Variants in MGAT4C observed in about 807,000 individuals in gnomAD.
The protein encoded by MGAT4C is MGAT4 family member C.
In MGAT4C, 19 loss-of-function variants were observed where a neutral mutation model predicts 40.1. That is an observed-to-expected ratio of 0.47 (90% confidence interval 0.33 to 0.70). The LOEUF (loss-of-function observed/expected upper bound fraction) is 0.70. Among genes scored for constraint, MGAT4C ranks in the 30% least tolerant of loss-of-function variants. The pLI, the probability that MGAT4C is intolerant of heterozygous loss-of-function variation, is 0.02. For synonymous variants in MGAT4C, 181 were observed against 187.1 expected (o/e 0.97, Z 0.27); for missense variants, 491 against 563.2 (o/e 0.87, Z 1.30).
intron 1 of MGAT4C, among the ~76,000 whole-genome samples, chr12:86,821,969 A>T (rs929292716): frequency 2.7e-5 from 4 of 148,896 alleles, no homozygotes; most frequent in African/African-American, 9.7e-5. Flanking sequence ...AAAGTTAAAG[A>T]CAAAAGTATT....
At chr12:86,697,168 C>G (rs553200476) in intron 2 of MGAT4C, among the ~76,000 whole-genome samples, 1 of 152,160 alleles carries the variant, frequency 6.6e-6, no homozygotes, top group South Asian at 2.1e-4. Context: ...AAGATCATGA[C>G]CTTATGTATA....
intron 1 of MGAT4C, among the ~76,000 whole-genome samples, chr12:86,762,104 T>C (rs113301362): frequency 6.6e-6 from 1 of 151,290 alleles, no homozygotes; most frequent in South Asian, 2.1e-4. Flanking sequence ...CAGGCTGGAG[T>C]GCAGTGGCAT....
At chr12:86,450,901 A>G (rs1239727305) in intron 2 of MGAT4C, among the ~76,000 whole-genome samples, 1 of 152,146 alleles carries the variant, frequency 6.6e-6, no homozygotes, top group Non-Finnish European at 1.5e-5. Flanking sequence ...TTTATATATG[A>G]GTAGATATAT....
In MGAT4C at chr12:86,214,211, G is replaced by A. The variant is rs186286810; in HGVS notation, c.-57+42028C>T. Among the ~76,000 whole-genome samples the A allele has an allele frequency of 1.2e-4, 19 of 152,128 alleles. No individual in the cohort carries two copies. In the East Asian group the frequency reaches 1.4e-3, roughly 11 times the overall value. On this transcript the variant is annotated intron_variant, in intron 1 of 4. Coordinates refer to ENST00000611864, the MANE Select transcript of MGAT4C (RefSeq NM_001351288.2). The stretch of plus-strand genomic sequence containing the variant: ...TGCCCTCATTTCTGTGTCTTTGTAC[G>A]TCTTGTATCCTCTGCATAGACCCCT...
chr12:86,671,645 G>A (rs1210613230), intron 2 of MGAT4C, among the ~76,000 whole-genome samples: 1 of 152,140 alleles, frequency 6.6e-6, no homozygotes, highest in Non-Finnish European at 1.5e-5. Flanking sequence ...AAGAGCAGGA[G>A]TAGCTATATT....
intron 1 of MGAT4C, among the ~76,000 whole-genome samples, chr12:86,204,975 C>T (rs1345878225): frequency 2.0e-5 from 3 of 151,636 alleles, no homozygotes; most frequent in African/African-American, 4.8e-5. Flanking sequence ...GAATCACATA[C>T]AATATAAAAT....
intron 1 of MGAT4C, among the ~76,000 whole-genome samples, chr12:86,135,637 C>T (rs978641614): frequency 1.3e-5 from 2 of 151,950 alleles, no homozygotes; most frequent in Admixed American, 6.6e-5. Flanking sequence ...TTTCTTTTTC[C>T]GCAACAAACA....
At chr12:85,999,956 A>T (rs1342972894) in intron 2 of MGAT4C, among the ~76,000 whole-genome samples, 1 of 152,166 alleles carries the variant, frequency 6.6e-6, no homozygotes, top group Non-Finnish European at 1.5e-5. Context: ...CATTAGGGTG[A>T]CTACAGCTAA....
chr12:86,231,342 T>A (rs924154704), intron 1 of MGAT4C, among the ~76,000 whole-genome samples: 5 of 152,204 alleles, frequency 3.3e-5, no homozygotes, highest in Non-Finnish European at 4.4e-5. Flanking sequence ...ATTCTCAATA[T>A]ACTTGGGGTA....
intron 2 of MGAT4C, among the ~76,000 whole-genome samples, chr12:86,634,159 A>G (rs1963145179): frequency 6.6e-6 from 1 of 152,162 alleles, no homozygotes; most frequent in Non-Finnish European, 1.5e-5. Context: ...AGATTAGTAG[A>G]CTAAAAGCAG....
intron 1 of MGAT4C, among the ~76,000 whole-genome samples, chr12:86,766,565 A>AT (rs1593186562): frequency 6.6e-6 from 1 of 150,914 alleles, no homozygotes; most frequent in African/African-American, 2.4e-5. Flanking sequence ...CAGAATATAC[A>AT]TTTTTTTCAG....
rs534580693 is a variant in MGAT4C at position 86,345,444 on chromosome 12, G to C, written c.-119-11317C>G. 5.3e-5 allele frequency among the ~76,000 whole-genome samples: 8 copies of C among 149,674 alleles called. No individual in the cohort carries two copies. In the East Asian group the frequency reaches 1.6e-3, roughly 30 times the overall value. On this transcript the variant is annotated intron_variant, in intron 3 of 7. Coordinates refer to the MGAT4C transcript ENST00000548651. ...TCCCCCCTTCCCCCACCCCACAACAGTCCCTGATGTGTGATGTTCCCCTTC... is the reference window on the plus strand; with the variant it reads ...TCCCCCCTTCCCCCACCCCACAACACTCCCTGATGTGTGATGTTCCCCTTC...
intron 1 of MGAT4C, among the ~76,000 whole-genome samples, chr12:86,741,458 C>T (rs1951068216): frequency 6.6e-6 from 1 of 151,000 alleles, no homozygotes; most frequent in Non-Finnish European, 1.5e-5. Flanking sequence ...TTTTGCATAA[C>T]AGTAACTAAA....
At chr12:86,401,280 GTA>G (rs200061304) in intron 3 of MGAT4C, among the ~76,000 whole-genome samples, 4 of 112,190 alleles carry the variant, frequency 3.6e-5, no homozygotes, top group South Asian at 3.8e-4. Flanking sequence ...GTGTGTGTGT[GTA>G]TGTGGGTGTG....
At chr12:86,364,699 T>C (rs1362175186) in intron 3 of MGAT4C, among the ~76,000 whole-genome samples, 1 of 152,068 alleles carries the variant, frequency 6.6e-6, no homozygotes, top group Non-Finnish European at 1.5e-5. Flanking sequence ...ATTTTAAAGC[T>C]GGGTGTCTGG....
chr12:86,164,078 T>C (rs1380867946), intron 1 of MGAT4C, among the ~76,000 whole-genome samples: 3 of 152,172 alleles, frequency 2.0e-5, no homozygotes, highest in Non-Finnish European at 4.4e-5. Flanking sequence ...TTTATAGACA[T>C]GGTGAGTGAA....
intron 3 of MGAT4C, among the ~76,000 whole-genome samples, chr12:86,339,843 T>G (rs61950708): frequency 0.085 from 12,935 of 152,242 alleles, 763 homozygotes; most frequent in Middle Eastern, 0.22. Flanking sequence ...GCCTTTTTCC[T>G]TTCTCTGTTT....
At chr12:86,405,571 T>C (rs997669997) in intron 3 of MGAT4C, among the ~76,000 whole-genome samples, 3 of 151,930 alleles carry the variant, frequency 2.0e-5, no homozygotes, top group Admixed American at 6.6e-5. Context: ...TGAAATACAG[T>C]TGTAAAGCAA....
chr12:86,777,589 TG>T (rs1472347540), intron 1 of MGAT4C, among the ~76,000 whole-genome samples: 2 of 152,186 alleles, frequency 1.3e-5, no homozygotes. Context: ...AAGTAGTCTT[TG>T]GCACAGAGTT....
Sources: gnomAD v4.1 joint callset for allele counts (sites outside exome capture counted in the v4.1 genomes callset) on GRCh38, gnomAD v4.1.1 for gene constraint, MANE v1.5 for transcripts, NCBI Gene and HGNC (gene_info 2026-07-23, HGNC 2026-07-21) for gene names.